Variants in SDC1 observed in about 807,000 individuals in gnomAD.
SDC1 encodes syndecan-1.
In SDC1, 14 loss-of-function variants were observed where a neutral mutation model predicts 29.7. That is an observed-to-expected ratio of 0.47 (90% CI 0.31 to 0.74). SDC1 has a LOEUF of 0.74. SDC1 is among the 30% of genes least tolerant of loss of function. The pLI is 0.05. For synonymous variants in SDC1, 204 were observed against 175.5 expected (o/e 1.16, Z -1.29); for missense variants, 406 against 400.3 (o/e 1.01, Z -0.12).
Position 20,205,378 on chromosome 2 carries a change from C to T in SDC1, c.113G>A (p.Gly38Glu). The change falls in exon 2 of 5, where the codon GGG becomes GAG. Residue 38 changes from glycine to glutamate, a missense_variant. By Grantham distance (98) the Gly-to-Glu change is moderately conservative. Coordinates refer to ENST00000254351, the MANE Select transcript of SDC1 (RefSeq NM_002997.5). The stretch of plus-strand genomic sequence containing the variant: ...GCCGGAGAAGTTGTCAGAGTCATCC[C>T]CAGAGCCATCTTGATCTTCAGGGGG... ...NLPPEDQDGS[G>E]DDSDNFSGSG... is the part of the protein sequence containing the mutation. The T allele has an allele frequency of 6.2e-7, 1 of 1,614,134 alleles. No individual in the cohort carries two copies. Among genetic ancestry groups the T allele is most frequent in the South Asian group, 1.1e-5 (1 of 91,072 alleles).
intron 2 of SDC1, 141 bp downstream of exon 2, chr2:20,205,202 C>G (rs1677218418): frequency 2.8e-6 from 2 of 722,304 alleles, no homozygotes; most frequent in Admixed American, 1.9e-5. Flanking sequence ...CAGCATTGCC[C>G]TTTGGAGCCA....
intron 1 of SDC1, among the ~76,000 whole-genome samples, chr2:20,218,364 C>A (rs1677697786): frequency 6.6e-6 from 1 of 152,198 alleles, no homozygotes; most frequent in Non-Finnish European, 1.5e-5. Context: ...AGGTGGGAGG[C>A]AGAAAGGAAG....
At chr2:20,210,966 G>T (rs942808354) in intron 1 of SDC1, among the ~76,000 whole-genome samples, 4 of 152,126 alleles carry the variant, frequency 2.6e-5, no homozygotes, top group African/African-American at 9.7e-5. Context: ...TTCTCAGTCA[G>T]ATCTACACAT....
intron 1 of SDC1, among the ~76,000 whole-genome samples, chr2:20,210,413 G>A (rs6716434): frequency 0.1 from 15,431 of 152,218 alleles, 891 homozygotes; most frequent in African/African-American, 0.14. Context: ...TAAAAAGGGG[G>A]AGCTTCAGAG....
At position 20,202,494 on chromosome 2, in the gene SDC1, C is replaced by T. The variant is rs1677051500; in HGVS notation, c.*272G>A. On this transcript the variant is annotated 3_prime_UTR_variant, in exon 5 of 5. Coordinates refer to ENST00000254351, the MANE Select transcript of SDC1 (RefSeq NM_002997.5). ...GAGAGGCTGCTTCAGTTTGGAGAAA[C>T]CGAGTCAGAATGGTGCGATGCCAGG... 5.1e-6 allele frequency: 3 copies of T among 592,324 alleles called. No individual in the cohort carries two copies. The highest frequency in any genetic ancestry group is 9.0e-6 in the Non-Finnish European group (3 of 333,664). The allele number at this position is 592,324 out of a possible 1,614,324, so 36.7% of individuals were successfully genotyped here.
In SDC1 at chr2:20,205,426, T is replaced by A; in HGVS notation, c.67-2A>T. ...GGGCAAATTAGTAGCCACAATTTGC[T>A]GGAAAAGGATCAGAATATGGTATGA... On this transcript the variant is annotated splice_acceptor_variant, in intron 1 of 4. Transcript: ENST00000254351. LOFTEE classifies it high-confidence loss of function. 6.2e-7 allele frequency: 1 copy of A among 1,613,214 alleles called. No homozygotes were observed. Among genetic ancestry groups the A allele is most frequent in the Non-Finnish European group, 8.5e-7 (1 of 1,179,250 alleles).
chr2:20,205,234 C>G lies in SDC1; in HGVS notation c.148+109G>C, dbSNP rs1572461290. On this transcript the variant is annotated intron_variant, in intron 2 of 4. Transcript: ENST00000254351. Reference sequence around the variant, plus strand: ...GCCAGCTGGGTGGAGACAGGGCAGGCAGGGTGCACTCAGTACATGCTCAGT... The same window carrying G: ...GCCAGCTGGGTGGAGACAGGGCAGGGAGGGTGCACTCAGTACATGCTCAGT... 18 of 845,730 alleles carry G rather than the reference C, an allele frequency of 2.1e-5. No individual in the cohort carries two copies. The East Asian group carries it at 4.4e-4, about 21-fold the overall frequency. The allele number at this position is 845,730 out of a possible 1,614,324, so 52.4% of individuals were successfully genotyped here.
intron 1 of SDC1, among the ~76,000 whole-genome samples, chr2:20,221,924 C>G (rs1285861241): frequency 6.6e-6 from 1 of 152,174 alleles, no homozygotes; most frequent in Non-Finnish European, 1.5e-5. Context: ...CCCCCATACC[C>G]TCTCTGCCAG....
At chr2:20,206,658 G>A (rs1677281504) in intron 1 of SDC1, among the ~76,000 whole-genome samples, 1 of 152,194 alleles carries the variant, frequency 6.6e-6, no homozygotes, top group Admixed American at 6.5e-5. Context: ...ATGCAGAACA[G>A]CACAGTCCAG....
Position 20,204,903 on chromosome 2 carries a change from T to G in SDC1, c.148+440A>C, listed in dbSNP as rs551993848. On this transcript the variant is annotated intron_variant, in intron 2 of 4. Transcript: ENST00000254351. ...GGAAAGGGGAAGTAAGGAAGGGAGC[T>G]TGGATGGAAGAGCTACACCCCAGCT... Among the ~76,000 whole-genome samples, 97 of 152,262 alleles carry G rather than the reference T, an allele frequency of 6.4e-4. 2 individuals carry two copies. Among genetic ancestry groups the G allele is most frequent in the African/African-American group, 2.2e-3 (91 of 41,572 alleles).
Sources: allele counts gnomAD v4.1 joint callset (sites outside exome capture counted in the v4.1 genomes callset), GRCh38; gene constraint gnomAD v4.1.1; transcripts MANE v1.5; gene names NCBI Gene and HGNC (gene_info 2026-07-23, HGNC 2026-07-21).